PHEX: variants seen among roughly 807,000 people sequenced by gnomAD.
PHEX encodes phosphate regulating endopeptidase X-linked, also known as phosphate-regulating neutral endopeptidase PHEX.
A neutral mutation model predicts 68.0 loss-of-function variants in PHEX; 16 were observed. The ratio of observed to expected loss-of-function variants is 0.24; its 90% CI spans 0.16 to 0.36. PHEX has a LOEUF of 0.36. Ranked by LOEUF, PHEX falls within the 10% of genes least tolerant of loss-of-function variation. The pLI, the probability that PHEX is intolerant of heterozygous loss-of-function variation, is 1.00. For synonymous variants in PHEX, 208 were observed against 205.1 expected (o/e 1.01, Z -0.12); for missense variants, 480 against 575.5 (o/e 0.83, Z 1.70).
At chrX:22,199,082 T>C (rs774541265) in intron 15 of PHEX, among the ~76,000 whole-genome samples, 2 of 111,177 alleles carry the variant, frequency 1.8e-5, no homozygotes, top group East Asian at 5.7e-4. Flanking sequence ...TCCCACTGGG[T>C]CCCTCCTACA....
At chrX:22,194,895 T>A (rs775123599) in intron 15 of PHEX, among the ~76,000 whole-genome samples, 1 of 112,589 alleles carries the variant, frequency 8.9e-6, no homozygotes, top group South Asian at 3.6e-4. Context: ...GTAGCTGTCA[T>A]AAAATTTAAT....
chrX:22,072,559 C>T (rs1928953334), intron 3 of PHEX, among the ~76,000 whole-genome samples: 1 of 112,063 alleles, frequency 8.9e-6, no homozygotes, highest in South Asian at 3.7e-4. Flanking sequence ...TTACAAGATA[C>T]CATTAAAAAT....
At chrX:22,236,294 T>C (rs1251071252) in intron 20 of PHEX, among the ~76,000 whole-genome samples, 1 of 112,509 alleles carries the variant, frequency 8.9e-6, no homozygotes, top group Non-Finnish European at 1.9e-5. Context: ...TTATCTTTCT[T>C]ACTTTCATTA....
At chrX:22,223,258 G>A (rs901418116) in intron 18 of PHEX, among the ~76,000 whole-genome samples, 5 of 111,313 alleles carry the variant, frequency 4.5e-5, no homozygotes, top group South Asian at 3.7e-4. Context: ...TAGTGACTTC[G>A]GGGGAGCTCA....
chrX:22,115,333 AACAAAC>A (rs1445824789), intron 11 of PHEX, among the ~76,000 whole-genome samples: 1 of 112,232 alleles, frequency 8.9e-6, no homozygotes, highest in African/African-American at 3.2e-5. Flanking sequence ...TCTGTCTCAA[AACAAAC>A]ACAAAGTATA....
chrX:22,059,397 A>G (rs1015697384), intron 3 of PHEX, among the ~76,000 whole-genome samples: 1 of 112,492 alleles, frequency 8.9e-6, no homozygotes, highest in Non-Finnish European at 1.9e-5. Context: ...ATGTACACGT[A>G]TCACTACTTC....
intron 2 of PHEX, 42 bp from the exon 3 acceptor site, chrX:22,047,008 T>C (rs778746228): frequency 9.1e-7 from 1 of 1,104,581 alleles, no homozygotes; most frequent in East Asian, 3.0e-5. Flanking sequence ...GTATACAACA[T>C]TCAGTGCTTG....
At chrX:22,133,217 C>T (rs1569406007) in intron 11 of PHEX, among the ~76,000 whole-genome samples, 2 of 110,763 alleles carry the variant, frequency 1.8e-5, no homozygotes, top group East Asian at 2.8e-4. Flanking sequence ...GATGGGGTTT[C>T]ACCATGTTGT....
At chrX:22,198,929 G>T (rs955198644) in intron 15 of PHEX, among the ~76,000 whole-genome samples, 1 of 111,407 alleles carries the variant, frequency 9.0e-6, no homozygotes, top group African/African-American at 3.3e-5. Context: ...CGGCGAAGGA[G>T]CAGCAAAGGC....
At chrX:22,172,401 A>C (rs749250672) in intron 13 of PHEX, 1 of 111,887 alleles carries the variant, frequency 8.9e-6, no homozygotes, top group Non-Finnish European at 1.9e-5. Context: ...GAAGAGGGAA[A>C]AATGAGATAA....
At chrX:22,225,586 C>CAATATG (rs74279672) in intron 18 of PHEX, among the ~76,000 whole-genome samples, 45,100 of 110,831 alleles carry the variant, frequency 0.41, 7,368 homozygotes, top group African/African-American at 0.59. Flanking sequence ...CAAATACAGA[C>CAATATG]TATATGCATG....
chrX:22,190,247 C>T (rs1180104541), intron 14 of PHEX, among the ~76,000 whole-genome samples, 197 bp from the exon 15 acceptor site: 2 of 111,772 alleles, frequency 1.8e-5, no homozygotes, highest in African/African-American at 6.5e-5. Context: ...TTTCATTGAG[C>T]CATGTTCAGT....
intron 18 of PHEX, among the ~76,000 whole-genome samples, chrX:22,223,642 A>C (rs1034683028): frequency 7.0e-5 from 7 of 99,458 alleles, no homozygotes; most frequent in Non-Finnish European, 1.3e-4. Context: ...CCAGCTACTC[A>C]GGAGGCTGAG....
chrX:22,184,308 A>G (rs1018489502), intron 14 of PHEX, among the ~76,000 whole-genome samples: 4 of 110,170 alleles, frequency 3.6e-5, no homozygotes, highest in African/African-American at 1.3e-4. Context: ...TTTTAGCCTC[A>G]TGATACTCAT....
At chrX:22,094,175 A>C in intron 7 of PHEX, 76 bp downstream of exon 7, 1 of 593,957 alleles carries the variant, frequency 1.7e-6, no homozygotes, top group Non-Finnish European at 2.8e-6. Flanking sequence ...CTTTCCTTTT[A>C]TTAAAGGCAG....
At chrX:22,227,678 G>GAAAGATTTC in intron 20 of PHEX, 67 bp downstream of exon 20, 1 of 741,689 alleles carries the variant, frequency 1.3e-6, no homozygotes, top group Non-Finnish European at 2.1e-6. Flanking sequence ...CTTGATCAAA[G>GAAAGATTTC]AAAGATTTCA....
chrX:22,147,599 A>G (rs1034603093), intron 12 of PHEX, among the ~76,000 whole-genome samples: 1 of 110,256 alleles, frequency 9.1e-6, no homozygotes, highest in Non-Finnish European at 1.9e-5. Flanking sequence ...AGCAGAGGGC[A>G]TGACAGCAAA....
At position 22,131,089 on chromosome X, in the gene PHEX, G is replaced by A. The variant is rs888116134; in HGVS notation, c.1303-2434G>A. Among the ~76,000 whole-genome samples, 4 of 110,359 alleles carry A rather than the reference G, an allele frequency of 3.6e-5. No individual in the cohort carries two copies. In the Admixed American group the frequency reaches 3.9e-4, roughly 11 times the overall value. ...GAGTCTCGCTCTGTCACCCAGACTGGAGTGCAGTGGTGTAATCTCAGCTCA... is the reference window on the plus strand; with the variant it reads ...GAGTCTCGCTCTGTCACCCAGACTGAAGTGCAGTGGTGTAATCTCAGCTCA... On this transcript the variant is annotated intron_variant, in intron 11 of 21. Coordinates refer to ENST00000379374, the MANE Select transcript of PHEX (RefSeq NM_000444.6).
At chrX:22,053,143 C>T (rs1365198312) in intron 3 of PHEX, among the ~76,000 whole-genome samples, 4 of 111,726 alleles carry the variant, frequency 3.6e-5, no homozygotes, top group Non-Finnish European at 7.5e-5. Context: ...GAAGTAATGT[C>T]TATCAAATGC....
Sources: gnomAD v4.1 joint callset for allele counts (sites outside exome capture counted in the v4.1 genomes callset) on GRCh38, gnomAD v4.1.1 for gene constraint, MANE v1.5 for transcripts, NCBI Gene and HGNC (gene_info 2026-07-23, HGNC 2026-07-21) for gene names.